The following HOXD1 variants were observed in gnomAD, a reference collection of about 807,000 sequenced individuals.
HOXD1 encodes homeobox D1.
HOXD1 carries 17 observed loss-of-function variants against 19.9 expected under a neutral mutation model. That is an observed-to-expected ratio of 0.85 (90% CI 0.58 to 1.28). The LOEUF is 1.28. Ranked by LOEUF, HOXD1 falls within the 50% of genes most tolerant of loss-of-function variation. HOXD1 has a pLI of 0.00. For missense variants in HOXD1, 500 were observed against 460.1 expected (o/e 1.09, Z -0.79); for synonymous variants, 239 against 216.0 (o/e 1.11, Z -0.93).
chr2:176,188,725 C>T lies in HOXD1; in HGVS notation c.-77C>T. On this transcript the variant is annotated 5_prime_UTR_variant, in exon 1 of 2. Transcript: ENST00000331462. ...AGGGCTGGCGGAGCGGCGCAGACGGCGGCAGTCCTGCTCAGCCTCTGCCCG... is the reference window on the plus strand; with the variant it reads ...AGGGCTGGCGGAGCGGCGCAGACGGTGGCAGTCCTGCTCAGCCTCTGCCCG... The T allele has an allele frequency of 1.4e-6, 2 of 1,447,886 alleles. No individual in the cohort carries two copies. The highest frequency in any genetic ancestry group is 1.2e-5 in the South Asian group (1 of 82,692). 89.7% of individuals were successfully genotyped at this position (1,447,886 alleles called of 1,614,324 possible). A position where few individuals can be genotyped will look rare whatever the true frequency, so the allele number is the denominator to read the frequency against.
chr2:176,189,179 C>T lies in HOXD1; in HGVS notation c.378C>T (p.Asp126=). Residue 126 remains aspartate (D), a synonymous_variant, in exon 1 of 2, where the codon GAC becomes GAT. Transcript: ENST00000331462. ...CGGGCGTGCTGGGGCGGGCGGCCGA[C>T]GACGGCGGGTCTCACGTCCACTACG... ...DFPGVLGRAA[D]DGGSHVHYAT... The T allele has an allele frequency of 6.4e-7, 1 of 1,562,942 alleles. No homozygotes were observed. The highest frequency in any genetic ancestry group is 2.3e-5 in the East Asian group (1 of 42,712).
Position 176,188,720 on chromosome 2 carries a change from G to A in HOXD1, c.-82G>A. Reference sequence around the variant, plus strand: ...TAGAGAGGGCTGGCGGAGCGGCGCAGACGGCGGCAGTCCTGCTCAGCCTCT... The same window carrying A: ...TAGAGAGGGCTGGCGGAGCGGCGCAAACGGCGGCAGTCCTGCTCAGCCTCT... On this transcript the variant is annotated 5_prime_UTR_variant, in exon 1 of 2. Transcript: ENST00000331462. 1 of 1,427,390 alleles carries A rather than the reference G, an allele frequency of 7.0e-7. No homozygotes were observed. Among genetic ancestry groups the A allele is most frequent in the Non-Finnish European group, 9.7e-7 (1 of 1,035,448 alleles). 88.4% of individuals were successfully genotyped at this position (1,427,390 alleles called of 1,614,324 possible).
chr2:176,189,665 C>A, intron 1 of HOXD1, 143 bp from the exon 2 acceptor site: 1 of 1,587,564 alleles, frequency 6.3e-7, no homozygotes, highest in South Asian at 1.1e-5. Flanking sequence ...AAGGAGCTCT[C>A]CGTGGAACTT....
rs917727541 is a variant in HOXD1, at chr2:176,189,788, G to A, written c.653-20G>A. 2 of 1,612,020 alleles carry A rather than the reference G, an allele frequency of 1.2e-6. No individual in the cohort carries two copies. Among genetic ancestry groups the A allele is most frequent in the South Asian group, 1.1e-5 (1 of 90,950 alleles). ...GTCCCCGGCCTCAGGCCTGGCTGAC[G>A]CCCTGTCTTTACGTTGCAGGCAAAC... On this transcript the variant is annotated intron_variant, in intron 1 of 1. Transcript: ENST00000331462.
Position 176,189,384 on chromosome 2 carries a change from G to T in HOXD1, c.583G>T (p.Ala195Ser), listed in dbSNP as rs912164562. The change falls in exon 1 of 2, where the codon GCC (alanine) becomes TCC (serine). Residue 195 changes from alanine (A) to serine (S), a missense_variant. By Grantham distance (99) the Ala-to-Ser change is moderately conservative. Transcript: ENST00000331462. ...PGTYPKSVSPASGLPAAFSTF... is the reference protein window; with the variant it reads ...PGTYPKSVSPSSGLPAAFSTF... Reference sequence around the variant, plus strand: ...CACCTACCCCAAGTCCGTCTCTCCCGCCTCCGGCCTCCCTGCCGCCTTCAG... The same window carrying T: ...CACCTACCCCAAGTCCGTCTCTCCCTCCTCCGGCCTCCCTGCCGCCTTCAG... 1.9e-6 allele frequency: 3 copies of T among 1,612,948 alleles called. No homozygotes were observed. The highest frequency in any genetic ancestry group is 2.7e-5 in the African/African-American group (2 of 74,862).
chr2:176,188,831 C>T lies in HOXD1; in HGVS notation c.30C>T (p.Cys10=), dbSNP rs1357019644. 2 of 1,608,400 alleles carry T rather than the reference C, an allele frequency of 1.2e-6. No homozygotes were observed. Among genetic ancestry groups the T allele is most frequent in the Non-Finnish European group, 8.5e-7 (1 of 1,178,156 alleles). Residue 10 remains cysteine (C), a synonymous_variant, in exon 1 of 2, where the codon TGC becomes TGT. Transcript: ENST00000331462. MSSYLEYVS[C]SSSGGVGGDV... ...GCTCCTACCTGGAGTACGTGTCATG[C>T]AGCAGCAGCGGCGGGGTCGGCGGCG...
chr2:176,189,909 A>G lies in HOXD1; in HGVS notation c.754A>G (p.Lys252Glu), dbSNP rs747111886. 4.3e-6 allele frequency: 7 copies of G among 1,614,194 alleles called. No individual in the cohort carries two copies. The highest frequency in any genetic ancestry group is 5.9e-6 in the Non-Finnish European group (7 of 1,180,032). Residue 252 changes from lysine (K) to glutamate (E), a missense_variant, in exon 2 of 2, where the codon AAG becomes GAG. Transcript: ENST00000331462. ...TELEKEFHFN[K>E]YLTRARRIEI... ...ACTGGAAAAAGAGTTTCATTTCAAT[A>G]AGTACTTAACTCGAGCCCGGCGCAT...
chr2:176,189,763 G>C, intron 1 of HOXD1, 45 bp from the exon 2 acceptor site: 1 of 1,610,288 alleles, frequency 6.2e-7, no homozygotes, highest in Non-Finnish European at 8.5e-7. Context: ...CCCACATTCT[G>C]TCCCCGGCCT....
rs778437925 is a variant in HOXD1 at position 176,189,540 on chromosome 2, C to T, written c.652+87C>T. 1.9e-6 allele frequency: 3 copies of T among 1,605,538 alleles called. No homozygotes were observed. The Admixed American group carries it at 5.1e-5, about 27-fold the overall frequency. On this transcript the variant is annotated intron_variant, in intron 1 of 1. Coordinates refer to ENST00000331462, the MANE Select transcript of HOXD1 (RefSeq NM_024501.3). ...ATGCGCTGGGAGCGTGGTGTCGCTG[C>T]CTTTCCAGACAGCGGTTTGGGTTTT...
At position 176,189,015 on chromosome 2, in the gene HOXD1, C is replaced by T. The variant is rs1234099593; in HGVS notation, c.214C>T (p.Pro72Ser). The change falls in exon 1 of 2, where the codon CCG (proline) becomes TCG (serine). Residue 72 changes from proline (P) to serine (S), a missense_variant. By Grantham distance (74) the Pro-to-Ser change is moderately conservative. Coordinates refer to ENST00000331462, the MANE Select transcript of HOXD1 (RefSeq NM_024501.3). ...SPSPPAAPARPSVPPPAAPQY... is the reference protein window; with the variant it reads ...SPSPPAAPARSSVPPPAAPQY... ...TTCGCCCCCGGCCGCCCCCGCGCGG[C>T]CGTCCGTACCGCCTCCGGCCGCGCC... is the stretch of plus-strand genomic sequence containing the variant. 4.2e-6 allele frequency: 6 copies of T among 1,411,844 alleles called. No individual in the cohort carries two copies. Among genetic ancestry groups the T allele is most frequent in the African/African-American group, 1.5e-5 (1 of 65,814 alleles). 87.5% of individuals were successfully genotyped at this position (1,411,844 alleles called of 1,614,324 possible).
Position 176,189,302 on chromosome 2 carries a change from C to T in HOXD1, c.501C>T (p.Leu167=), listed in dbSNP as rs764718688. The change falls in exon 1 of 2, where the codon CTC becomes CTT. Residue 167 remains leucine, a synonymous_variant. Transcript: ENST00000331462. ...FGEPGPFPAC[L]KASADGHPGA... ...AACCCGGCCCTTTTCCGGCTTGTCT[C>T]AAAGCGTCAGCCGACGGCCACCCTG... 1.9e-6 allele frequency: 3 copies of T among 1,610,506 alleles called. No individual in the cohort carries two copies. Among genetic ancestry groups the T allele is most frequent in the Non-Finnish European group, 2.5e-6 (3 of 1,179,028 alleles).
rs1339659858 is a variant in HOXD1 at position 176,188,750 on chromosome 2, G to A, written c.-52G>A. ...CGGCAGTCCTGCTCAGCCTCTGCCC[G>A]GCTCCGTACTCCGGCCCCGGCCTGC... is the stretch of plus-strand genomic sequence containing the variant. On this transcript the variant is annotated 5_prime_UTR_variant, in exon 1 of 2. Coordinates refer to ENST00000331462, the MANE Select transcript of HOXD1 (RefSeq NM_024501.3). 6.4e-6 allele frequency: 10 copies of A among 1,571,496 alleles called. No homozygotes were observed. The highest frequency in any genetic ancestry group is 1.4e-5 in the African/African-American group (1 of 73,674).
In HOXD1 at chr2:176,190,385, C is replaced by T. The variant is rs992138463; in HGVS notation, c.*243C>T. On this transcript the variant is annotated 3_prime_UTR_variant, in exon 2 of 2. Coordinates refer to ENST00000331462, the MANE Select transcript of HOXD1 (RefSeq NM_024501.3). ...TTGTGTCTTATCAGGGAAAAGGTGC[C>T]CAGCTGCCAGCCCAGCTCCGCTGCT... is the stretch of plus-strand genomic sequence containing the variant. 1.8e-5 allele frequency: 9 copies of T among 510,268 alleles called. No individual in the cohort carries two copies. In the Admixed American group the frequency reaches 2.6e-4, roughly 15 times the overall value. The allele number at this position is 510,268 out of a possible 1,614,324, so 31.6% of individuals were successfully genotyped here. A position where few individuals can be genotyped will look rare whatever the true frequency, so the allele number is the denominator to read the frequency against.
At position 176,189,416 on chromosome 2, in the gene HOXD1, C is replaced by A; in HGVS notation, c.615C>A (p.Phe205Leu). The A allele has an allele frequency of 1.2e-6, 2 of 1,612,990 alleles. No individual in the cohort carries two copies. Among genetic ancestry groups the A allele is most frequent in the Middle Eastern group, 1.7e-4 (1 of 6,054 alleles). Residue 205 changes from phenylalanine (F) to leucine (L), a missense_variant, in exon 1 of 2, where the codon TTC becomes TTA. Transcript: ENST00000331462. ...GCCTCCCTGCCGCCTTCAGCACGTT[C>A]GAGTGGATGAAAGTGAAGAGGAATG... Reference protein sequence around the residue: ...ASGLPAAFSTFEWMKVKRNAS... With the variant: ...ASGLPAAFSTLEWMKVKRNAS...
In HOXD1 at chr2:176,190,740, A is replaced by G. The variant is rs1691779636; in HGVS notation, c.*598A>G. 6.5e-6 allele frequency: 1 copy of G among 152,698 alleles called. No homozygotes were observed. Among genetic ancestry groups the G allele is most frequent in the South Asian group, 2.1e-4 (1 of 4,830 alleles). 9.5% of individuals were successfully genotyped at this position (152,698 alleles called of 1,614,324 possible). A position where few individuals can be genotyped will look rare whatever the true frequency, so the allele number is the denominator to read the frequency against. ...AGATGAACAAATCCACAGAATGGGT[A>G]AAGAGTAGAATCTGAACTATATCTT... On this transcript the variant is annotated 3_prime_UTR_variant, in exon 2 of 2. Coordinates refer to ENST00000331462, the MANE Select transcript of HOXD1 (RefSeq NM_024501.3).
Position 176,188,896 on chromosome 2 carries a change from C to T in HOXD1, c.95C>T (p.Ala32Val), listed in dbSNP as rs758281228. The T allele has an allele frequency of 1.3e-6, 2 of 1,592,848 alleles. No individual in the cohort carries two copies. Among genetic ancestry groups the T allele is most frequent in the African/African-American group, 1.4e-5 (1 of 73,838 alleles). The change falls in exon 1 of 2, where the codon GCC becomes GTC. Residue 32 changes from alanine to valine, a missense_variant. By Grantham distance (64) the Ala-to-Val change is moderately conservative. Coordinates refer to ENST00000331462, the MANE Select transcript of HOXD1 (RefSeq NM_024501.3). ...GCACCCAAGTTCTGCCGCTCCGACG[C>T]CCGGCCCGTGGCTCTGCAGCCCGCC... ...SLAPKFCRSD[A>V]RPVALQPAFP... is the part of the protein sequence containing the mutation.
Position 176,190,066 on chromosome 2 carries a change from T to G in HOXD1, c.911T>G (p.Leu304Arg). The change falls in exon 2 of 2, where the codon CTT (leucine) becomes CGT (arginine). Residue 304 changes from leucine (L) to arginine (R), a missense_variant. Physicochemically the swap from Leu to Arg is moderately radical, Grantham distance 102. Coordinates refer to ENST00000331462, the MANE Select transcript of HOXD1 (RefSeq NM_024501.3). ...GCCATTCCTGTGGCTCCCCTCCAAC[T>G]TCCCCTCTCTGGAACAACCCCCACT... Reference protein sequence around the residue: ...ATAIPVAPLQLPLSGTTPTKF... With the variant: ...ATAIPVAPLQRPLSGTTPTKF... 1 of 1,613,912 alleles carries G rather than the reference T, an allele frequency of 6.2e-7. No individual in the cohort carries two copies. The highest frequency in any genetic ancestry group is 8.5e-7 in the Non-Finnish European group (1 of 1,179,848).
Position 176,189,410 on chromosome 2 carries a change from C to G in HOXD1, c.609C>G (p.Ser203Arg). The change falls in exon 1 of 2, where the codon AGC becomes AGG. Residue 203 changes from serine to arginine, a missense_variant. Coordinates refer to ENST00000331462, the MANE Select transcript of HOXD1 (RefSeq NM_024501.3). ...SPASGLPAAF[S>R]TFEWMKVKRN... ...CCTCCGGCCTCCCTGCCGCCTTCAG[C>G]ACGTTCGAGTGGATGAAAGTGAAGA... The G allele has an allele frequency of 6.2e-7, 1 of 1,613,170 alleles. No homozygotes were observed. Among genetic ancestry groups the G allele is most frequent in the Non-Finnish European group, 8.5e-7 (1 of 1,179,958 alleles).
Position 176,189,454 on chromosome 2 carries a change from G to C in HOXD1, c.652+1G>C. The C allele has an allele frequency of 1.2e-6, 2 of 1,611,820 alleles. No homozygotes were observed. Among genetic ancestry groups the C allele is most frequent in the Non-Finnish European group, 8.5e-7 (1 of 1,179,106 alleles). ...GTGAAGAGGAATGCCTCTAAGAAAG[G>C]TAAGTCCGCGGGCCTTGGATGGGGC... On this transcript the variant is annotated splice_donor_variant, in intron 1 of 1. Transcript: ENST00000331462. LOFTEE classifies it high-confidence loss of function.
Sources: gnomAD v4.1 joint callset for allele counts on GRCh38, gnomAD v4.1.1 for gene constraint, MANE v1.5 for transcripts, NCBI Gene and HGNC (gene_info 2026-07-23, HGNC 2026-07-21) for gene names.